SNTG1: variants seen among roughly 807,000 people sequenced by gnomAD.
SNTG1 encodes gamma-1-syntrophin.
SNTG1 carries 39 observed loss-of-function variants against 74.7 expected under a neutral mutation model. That is an observed-to-expected ratio of 0.52 (90% CI 0.40 to 0.68). The LOEUF is 0.68. SNTG1 is among the 30% of genes least tolerant of loss of function. The pLI is 0.00. For missense variants in SNTG1, 685 were observed against 609.5 expected, an observed-to-expected ratio of 1.12 and a Z score of -1.30; for synonymous variants, 254 against 217.1, an observed-to-expected ratio of 1.17 and a Z score of -1.49.
intron 18 of SNTG1, among the ~76,000 whole-genome samples, chr8:50,787,322 T>C (rs1214781135): frequency 6.6e-6 from 1 of 151,794 alleles, no homozygotes; most frequent in Non-Finnish European, 1.5e-5. Context: ...TAATATTTTT[T>C]TAAAAAAAGA....
intron 1 of SNTG1, among the ~76,000 whole-genome samples, chr8:50,153,814 A>G (rs2082157468): frequency 6.6e-6 from 1 of 151,974 alleles, no homozygotes; most frequent in Non-Finnish European, 1.5e-5. Context: ...TCTGCCCCCT[A>G]CTGGGGGGTG....
chr8:50,405,828 G>A (rs1052773847), intron 4 of SNTG1, among the ~76,000 whole-genome samples: 2 of 151,990 alleles, frequency 1.3e-5, no homozygotes, highest in African/African-American at 4.8e-5. Flanking sequence ...ATAGCATTAG[G>A]TAAAGATCCA....
chr8:50,415,959 G>T (rs573684099), intron 4 of SNTG1, among the ~76,000 whole-genome samples: 2 of 152,106 alleles, frequency 1.3e-5, no homozygotes, highest in Non-Finnish European at 2.9e-5. Flanking sequence ...TGATGAGAGA[G>T]TAAAATGGAG....
chr8:50,484,102 C>CTCTTTCTTTCTCTCTTTCTTTCTT (rs2093763960), intron 8 of SNTG1, among the ~76,000 whole-genome samples: 2 of 110,848 alleles, frequency 1.8e-5, no homozygotes, highest in Non-Finnish European at 3.6e-5. Flanking sequence ...CTTTCTTTCT[C>CTCTTTCTTTCTCTCTTTCTTTCTT]TCTTTCTTTC....
intron 2 of SNTG1, among the ~76,000 whole-genome samples, chr8:50,293,370 T>C (rs1357202740): frequency 1.3e-5 from 2 of 151,686 alleles, no homozygotes. Context: ...ATAGAACCAG[T>C]CATATTGGAT....
In SNTG1 at chr8:50,433,649, C is replaced by T. The variant is rs548704166; in HGVS notation, c.163-4894C>T. On this transcript the variant is annotated intron_variant, in intron 4 of 18. Coordinates refer to ENST00000642720, the MANE Select transcript of SNTG1 (RefSeq NM_018967.5). ...CATCTGTTAATTAGAAAAACAATTT[C>T]CTACACCAGTGGGTTGCTGTGATAA... 6.6e-5 allele frequency among the ~76,000 whole-genome samples: 10 copies of T among 152,192 alleles called. No homozygotes were observed. The East Asian group carries it at 1.9e-3, about 29-fold the overall frequency.
intron 1 of SNTG1, among the ~76,000 whole-genome samples, chr8:49,920,070 G>A (rs368754315): frequency 3.3e-5 from 5 of 151,938 alleles, no homozygotes; most frequent in African/African-American, 1.2e-4. Context: ...CCTTTTAAGC[G>A]ATTAGAGAAA....
intron 15 of SNTG1, among the ~76,000 whole-genome samples, chr8:50,701,800 CTCT>C (rs879524606): frequency 2.1e-3 from 307 of 142,868 alleles, no homozygotes; most frequent in Middle Eastern, 0.018. Flanking sequence ...CCTCCTCCTC[CTCT>C]TCTTCTTCTT....
intron 2 of SNTG1, among the ~76,000 whole-genome samples, chr8:50,183,421 A>G (rs2083277138): frequency 6.6e-6 from 1 of 151,816 alleles, no homozygotes; most frequent in Admixed American, 6.6e-5. Flanking sequence ...CCGTTTTATA[A>G]CTCTATATCC....
In SNTG1 at chr8:50,485,678, G is replaced by A. The variant is rs562456048; in HGVS notation, c.364-17100G>A. On this transcript the variant is annotated intron_variant, in intron 8 of 18. Coordinates refer to ENST00000642720, the MANE Select transcript of SNTG1 (RefSeq NM_018967.5). The stretch of plus-strand genomic sequence containing the variant: ...GTGCAGAAGCTCTTTAGTTTAATTA[G>A]ATCCCATTTGTCAATTTTGGCTTTT... Among the ~76,000 whole-genome samples, 1,168 of 150,892 alleles carry A rather than the reference G, an allele frequency of 7.7e-3. 12 individuals carry two copies. Among genetic ancestry groups the A allele is most frequent in the Non-Finnish European group, 0.012 (838 of 67,720 alleles).
At chr8:50,212,054 C>T (rs145521073) in intron 2 of SNTG1, among the ~76,000 whole-genome samples, 11 of 152,240 alleles carry the variant, frequency 7.2e-5, no homozygotes, top group Non-Finnish European at 1.2e-4. Flanking sequence ...TATACTATCA[C>T]GCATTTTGGC....
intron 13 of SNTG1, among the ~76,000 whole-genome samples, chr8:50,656,425 C>T (rs1022884432): frequency 2.0e-5 from 3 of 152,078 alleles, no homozygotes; most frequent in African/African-American, 4.8e-5. Context: ...ATCATTCTCC[C>T]CTATCAGGCA....
chr8:49,926,458 A>G (rs988849504), intron 1 of SNTG1, among the ~76,000 whole-genome samples: 2 of 152,182 alleles, frequency 1.3e-5, no homozygotes, highest in Non-Finnish European at 2.9e-5. Flanking sequence ...TTATATCAAT[A>G]CAATTTAATT....
chr8:50,386,653 A>G (rs2092579335), intron 2 of SNTG1, among the ~76,000 whole-genome samples: 1 of 152,138 alleles, frequency 6.6e-6, no homozygotes, highest in Admixed American at 6.5e-5. Context: ...AGGTCCCAGG[A>G]AGCTTTTAGT....
intron 2 of SNTG1, among the ~76,000 whole-genome samples, chr8:50,368,843 T>A (rs572905444): frequency 6.6e-6 from 1 of 152,326 alleles, no homozygotes; most frequent in African/African-American, 2.4e-5. Context: ...TCACTTCCTT[T>A]TTTAATTTAG....
intron 1 of SNTG1, among the ~76,000 whole-genome samples, chr8:50,085,448 T>G (rs1313784500): frequency 6.6e-6 from 1 of 152,236 alleles, no homozygotes; most frequent in Admixed American, 6.5e-5. Flanking sequence ...TCATGTACTT[T>G]ACATTCTTCT....
At chr8:50,285,045 A>C (rs142740932) in intron 2 of SNTG1, among the ~76,000 whole-genome samples, 58 of 152,100 alleles carry the variant, frequency 3.8e-4, no homozygotes, top group African/African-American at 1.2e-3. Context: ...GTGTGCTTTT[A>C]TTACATTGAA....
chr8:50,334,036 AC>A (rs1415064090), intron 2 of SNTG1, among the ~76,000 whole-genome samples: 4 of 152,182 alleles, frequency 2.6e-5, no homozygotes, highest in African/African-American at 9.7e-5. Context: ...AGCTGGGATT[AC>A]AGGCACCCAT....
At chr8:50,342,873 T>G (rs2091360254) in intron 2 of SNTG1, among the ~76,000 whole-genome samples, 1 of 152,186 alleles carries the variant, frequency 6.6e-6, no homozygotes, top group African/African-American at 2.4e-5. Context: ...TCTGGTCTAA[T>G]TCCTTCTTTC....
Sources: allele counts gnomAD v4.1 joint callset (sites outside exome capture counted in the v4.1 genomes callset), GRCh38; gene constraint gnomAD v4.1.1; transcripts MANE v1.5; gene names NCBI Gene and HGNC (gene_info 2026-07-23, HGNC 2026-07-21).